Variants in TM7SF3 observed in about 807,000 individuals in gnomAD.
The protein encoded by TM7SF3 is transmembrane 7 superfamily member 3, also known as seven span transmembrane protein.
A neutral mutation model predicts 65.5 loss-of-function variants in TM7SF3; 60 were observed. That is an observed-to-expected ratio of 0.92 (90% CI 0.74 to 1.14). The LOEUF (loss-of-function observed/expected upper bound fraction) is 1.14. Among genes scored for constraint, TM7SF3 ranks in the 50% most tolerant of loss-of-function variants. The probability of loss-of-function intolerance (pLI) is 0.00; values close to 1 mark genes in which losing one functional copy is unlikely to be tolerated. For missense variants in TM7SF3, 623 were observed against 684.8 expected, an observed-to-expected ratio of 0.91 and a Z score of 1.01; for synonymous variants, 264 against 259.6, an observed-to-expected ratio of 1.02 and a Z score of -0.16.
Position 26,986,050 on chromosome 12 carries a change from G to C in TM7SF3, c.869-3191C>G, listed in dbSNP as rs1192545807. Among the ~76,000 whole-genome samples the C allele has an allele frequency of 5.3e-5, 8 of 150,810 alleles. No homozygotes were observed. The East Asian group carries it at 1.4e-3, about 26-fold the overall frequency. ...TCACTGTGTTAGCCAGGATGGTCTC[G>C]ATCTCCTGACCTCGTGATCCGCCCG... On this transcript the variant is annotated intron_variant, in intron 6 of 11. Transcript: ENST00000343028.
chr12:26,986,274 G>A (rs771615728), intron 6 of TM7SF3, among the ~76,000 whole-genome samples: 29 of 152,160 alleles, frequency 1.9e-4, no homozygotes, highest in Non-Finnish European at 4.3e-4. Context: ...ATATCTAATC[G>A]AGTTCTTCAT....
chr12:26,974,784 A>C (rs914804213), intron 11 of TM7SF3, among the ~76,000 whole-genome samples: 6 of 152,210 alleles, frequency 3.9e-5, no homozygotes, highest in African/African-American at 1.4e-4. Flanking sequence ...TAAGGTTTTC[A>C]AGGATTTCAA....
intron 6 of TM7SF3, among the ~76,000 whole-genome samples, chr12:26,984,792 G>A (rs1363054205): frequency 1.3e-5 from 2 of 152,104 alleles, no homozygotes; most frequent in Non-Finnish European, 2.9e-5. Context: ...CAGAATCTAC[G>A]ATAAAACAAG....
chr12:27,014,316 C>T lies in TM7SF3; in HGVS notation c.-148G>A, dbSNP rs1179340165. ...GGTGCAGACGCTTCGCACCTGCCAG[C>T]TCCGCAGCCGCCGGCGCGCGCCCCG... is the stretch of plus-strand genomic sequence containing the variant. On this transcript the variant is annotated 5_prime_UTR_variant, in exon 1 of 12. Coordinates refer to ENST00000343028, the MANE Select transcript of TM7SF3 (RefSeq NM_016551.3). 8 of 492,184 alleles carry T rather than the reference C, an allele frequency of 1.6e-5. No individual in the cohort carries two copies. The highest frequency in any genetic ancestry group is 2.6e-5 in the Non-Finnish European group (8 of 310,510). 30.5% of individuals were successfully genotyped at this position (492,184 alleles called of 1,614,324 possible). A position where few individuals can be genotyped will look rare whatever the true frequency, so the allele number is the denominator to read the frequency against.
At chr12:26,986,465 C>T (rs1435300560) in intron 6 of TM7SF3, among the ~76,000 whole-genome samples, 1 of 152,252 alleles carries the variant, frequency 6.6e-6, no homozygotes, top group South Asian at 2.1e-4. Flanking sequence ...ATGTTGTACT[C>T]AAGAGTTGGG....
intron 1 of TM7SF3, among the ~76,000 whole-genome samples, chr12:27,011,849 A>G (rs1479231897): frequency 6.6e-6 from 1 of 152,220 alleles, no homozygotes; most frequent in Non-Finnish European, 1.5e-5. Flanking sequence ...AAAGAGGCAA[A>G]AAGCAGTGTC....
intron 1 of TM7SF3, among the ~76,000 whole-genome samples, chr12:27,012,463 A>G (rs1299445068): frequency 2.6e-5 from 4 of 152,250 alleles, no homozygotes; most frequent in Admixed American, 6.5e-5. Flanking sequence ...AGATAAGTGC[A>G]TAGCAACACA....
Position 26,974,115 on chromosome 12 carries a change from C to T in TM7SF3, c.1563G>A (p.Lys521=). 2 of 1,614,214 alleles carry T rather than the reference C, an allele frequency of 1.2e-6. No individual in the cohort carries two copies. Among genetic ancestry groups the T allele is most frequent in the South Asian group, 1.1e-5 (1 of 91,086 alleles). ...TTGTCACTCGGCGCTCTCTCTCTTG[C>T]TTCCATAACTTGTATGGGTGGGGAG... is the stretch of plus-strand genomic sequence containing the variant. ...FFPPHPYKLW[K]QERERRVTNI... is the part of the protein sequence containing the mutation. The change falls in exon 12 of 12, where the codon AAG becomes AAA. Residue 521 remains lysine (K), a synonymous_variant. Coordinates refer to ENST00000343028, the MANE Select transcript of TM7SF3 (RefSeq NM_016551.3).
rs921459805 is a variant in TM7SF3, at chr12:27,002,454, T to A, written c.246+782A>T. 5.7e-4 allele frequency among the ~76,000 whole-genome samples: 86 copies of A among 152,170 alleles called. 1 individual carries two copies. The highest frequency in any genetic ancestry group is 2.0e-3 in the African/African-American group (82 of 41,542). On this transcript the variant is annotated intron_variant, in intron 2 of 11. Transcript: ENST00000343028. ...TCTCTAAAAAAAAAAATAAAAATTTTAAAAATTTACATATGAATTAGATTA... is the reference window on the plus strand; with the variant it reads ...TCTCTAAAAAAAAAAATAAAAATTTAAAAAATTTACATATGAATTAGATTA...
chr12:26,984,259 C>G (rs1939943720), intron 6 of TM7SF3, among the ~76,000 whole-genome samples: 1 of 151,784 alleles, frequency 6.6e-6, no homozygotes, highest in Non-Finnish European at 1.5e-5. Flanking sequence ...GTGAGAACCC[C>G]GTCTACTAAA....
At chr12:27,001,646 G>A (rs1940835604) in intron 2 of TM7SF3, among the ~76,000 whole-genome samples, 1 of 152,102 alleles carries the variant, frequency 6.6e-6, no homozygotes, top group Non-Finnish European at 1.5e-5. Flanking sequence ...TCCTTCAAAT[G>A]TTGTCTTGCT....
In TM7SF3 at chr12:26,975,511, G is replaced by C. The variant is rs745788301; in HGVS notation, c.1435C>G (p.Pro479Ala). The C allele has an allele frequency of 1.3e-5, 21 of 1,613,966 alleles. No individual in the cohort carries two copies. Among genetic ancestry groups the C allele is most frequent in the Admixed American group, 1.7e-5 (1 of 59,988 alleles). The stretch of plus-strand genomic sequence containing the variant: ...AGAGTCTTACCATTAGTTTGAAAAG[G>C]CACATTTGTGAAAGCTCTGTGGAAA... ...KDFHRAFTNV[P>A]FQTNDFIILA... Residue 479 changes from proline (P) to alanine (A), a missense_variant, in exon 11 of 12, where the codon CCT (proline) becomes GCT (alanine). By Grantham distance (27) the Pro-to-Ala change is conservative (BLOSUM62 -1). Coordinates refer to ENST00000343028, the MANE Select transcript of TM7SF3 (RefSeq NM_016551.3).
At chr12:27,012,651 C>T in intron 1 of TM7SF3, 1 of 455,996 alleles carries the variant, frequency 2.2e-6, no homozygotes, top group South Asian at 1.5e-5. Flanking sequence ...ATTCACCAAG[C>T]ACAAGACTTA....
In TM7SF3 at chr12:26,980,581, G is replaced by A. The variant is rs1477464123; in HGVS notation, c.1021C>T (p.Pro341Ser). Residue 341 changes from proline (P) to serine (S), a missense_variant, in exon 8 of 12, where the codon CCT becomes TCT. Transcript: ENST00000343028. Reference protein sequence around the residue: ...FFYILITRLTPIKYDVNLILT... With the variant: ...FFYILITRLTSIKYDVNLILT... ...TTTCACTTACCATCATACTTGATAG[G>A]TGTCAGTCTTGTAATCAGTATATAA... is the stretch of plus-strand genomic sequence containing the variant. The A allele has an allele frequency of 4.6e-6, 7 of 1,521,652 alleles. No homozygotes were observed. The highest frequency in any genetic ancestry group is 6.4e-6 in the Non-Finnish European group (7 of 1,100,236). The allele number at this position is 1,521,652 out of a possible 1,614,324, so 94.3% of individuals were successfully genotyped here.
Position 27,014,140 on chromosome 12 carries a change from G to C in TM7SF3, c.29C>G (p.Ala10Gly), listed in dbSNP as rs773225313. 6.4e-7 allele frequency: 1 copy of C among 1,566,740 alleles called. No individual in the cohort carries two copies. The highest frequency in any genetic ancestry group is 1.9e-5 in the Admixed American group (1 of 52,584). The change falls in exon 1 of 12, where the codon GCG becomes GGG. Residue 10 changes from alanine (A) to glycine (G), a missense_variant. Ala to Gly is a moderately conservative substitution (Grantham distance 60). Coordinates refer to ENST00000343028, the MANE Select transcript of TM7SF3 (RefSeq NM_016551.3). MGFLQLLVV[A>G]VLASEHRVAG... ...CACCCGGTGTTCGGATGCCAGCACC[G>C]CTACGACCAGCAGCTGCAGGAACCC...
chr12:26,980,167 T>A, intron 8 of TM7SF3: 2 of 586,090 alleles, frequency 3.4e-6, no homozygotes, highest in East Asian at 5.7e-5. Flanking sequence ...AGTGACAGGC[T>A]TGGCTTGTCA....
chr12:26,975,672 G>GTC lies in TM7SF3; in HGVS notation c.1288-15_1288-14insGA, dbSNP rs1420555058. 1 of 1,613,204 alleles carries GTC rather than the reference G, an allele frequency of 6.2e-7. No individual in the cohort carries two copies. Among genetic ancestry groups the GTC allele is most frequent in the Non-Finnish European group, 8.5e-7 (1 of 1,179,622 alleles). On this transcript the variant is annotated splice_polypyrimidine_tract_variant and intron_variant, in intron 10 of 11. Coordinates refer to ENST00000343028, the MANE Select transcript of TM7SF3 (RefSeq NM_016551.3). ...CAGTATGTTCAGCTGTGGAAGAGTG[G>GTC]AAGAGTTTAGGCATCATCCATGTTA... is the stretch of plus-strand genomic sequence containing the variant.
At chr12:26,980,167 T>C (rs536982444) in intron 8 of TM7SF3, 1 of 586,090 alleles carries the variant, frequency 1.7e-6, no homozygotes, top group East Asian at 2.8e-5. Flanking sequence ...AGTGACAGGC[T>C]TGGCTTGTCA....
At chr12:26,993,514 CGT>C (rs1404678131) in intron 5 of TM7SF3, among the ~76,000 whole-genome samples, 11 of 152,162 alleles carry the variant, frequency 7.2e-5, no homozygotes, top group Non-Finnish European at 1.6e-4. Flanking sequence ...TACATAAGCA[CGT>C]AATACAGGCT....
Sources: allele counts gnomAD v4.1 joint callset (sites outside exome capture counted in the v4.1 genomes callset), GRCh38; gene constraint gnomAD v4.1.1; transcripts MANE v1.5; gene names NCBI Gene and HGNC (gene_info 2026-07-23, HGNC 2026-07-21).